DDX60: variants seen among roughly 807,000 people sequenced by gnomAD.
DDX60 encodes the protein probable ATP-dependent RNA helicase DDX60.
DDX60 carries 165 observed loss-of-function variants against 212.8 expected under a neutral mutation model. The observed-to-expected ratio is 0.78, with a 90% CI of 0.68 to 0.88. The LOEUF is 0.88. Among genes scored for constraint, DDX60 ranks in the 40% least tolerant of loss-of-function variants. DDX60 has a pLI of 0.00. For synonymous variants in DDX60, 703 were observed against 685.3 expected, an observed-to-expected ratio of 1.03 and a Z score of -0.40; for missense variants, 1,905 against 2,003.9, an observed-to-expected ratio of 0.95 and a Z score of 0.94.
intron 29 of DDX60, among the ~76,000 whole-genome samples, chr4:168,247,413 A>T (rs1224340941): frequency 6.6e-6 from 1 of 152,230 alleles, no homozygotes; most frequent in Non-Finnish European, 1.5e-5. Flanking sequence ...ACATGCTGGG[A>T]AATGATATAA....
At chr4:168,324,699 A>G in the DDX60 span, among the ~76,000 whole-genome samples, 1 of 152,232 alleles carries the variant, frequency 6.6e-6, no homozygotes, top group Non-Finnish European at 1.5e-5. Context: ...CAGGAATTTA[A>G]CCAAGGTGGC....
At chr4:168,297,208 C>G (rs1304120441) in intron 6 of DDX60, among the ~76,000 whole-genome samples, 1 of 149,028 alleles carries the variant, frequency 6.7e-6, no homozygotes, top group African/African-American at 2.5e-5. Flanking sequence ...CACGCCCAGC[C>G]AAAAAATGAT....
At position 168,293,857 on chromosome 4, in the gene DDX60, G is replaced by A. The variant is rs367592317; in HGVS notation, c.812C>T (p.Ser271Phe). The stretch of plus-strand genomic sequence containing the variant: ...TAAAAAGCGATGGTACATTCTCAAA[G>A]ATAATGAGCATGAAGTAACACAAAA... ...RVFCVTSCSL[S>F]LRMYHRFLGN... Residue 271 changes from serine to phenylalanine, a missense_variant, in exon 7 of 38, where the codon TCT becomes TTT. Coordinates refer to ENST00000393743, the MANE Select transcript of DDX60 (RefSeq NM_017631.6). 1.2e-6 allele frequency: 2 copies of A among 1,613,652 alleles called. No homozygotes were observed. Among genetic ancestry groups the A allele is most frequent in the African/African-American group, 2.7e-5 (2 of 74,914 alleles).
At chr4:168,221,030 C>G (rs1733033036) in intron 36 of DDX60, among the ~76,000 whole-genome samples, 1 of 152,122 alleles carries the variant, frequency 6.6e-6, no homozygotes, top group African/African-American at 2.4e-5. Context: ...AGGGAAGAAA[C>G]AGTTGTATCA....
intron 37 of DDX60, among the ~76,000 whole-genome samples, chr4:168,218,720 A>G (rs1475926069): frequency 1.3e-5 from 2 of 152,108 alleles, no homozygotes; most frequent in Non-Finnish European, 2.9e-5. Context: ...AAATGCCCAT[A>G]ATCTCCATGT....
chr4:168,270,875 C>CTTTTTTTTTTTTT (rs759054592), intron 19 of DDX60, among the ~76,000 whole-genome samples: 2 of 110,880 alleles, frequency 1.8e-5, no homozygotes, highest in Non-Finnish European at 3.6e-5. Context: ...TTCTTTCTTT[C>CTTTTTTTTTTTTT]TTTTTTTTTT....
chr4:168,253,134 C>T (rs1435492908), intron 26 of DDX60, among the ~76,000 whole-genome samples: 1 of 152,198 alleles, frequency 6.6e-6, no homozygotes. Context: ...CAGTCTTCCT[C>T]TAATGCCCTT....
chr4:168,233,961 A>C (rs907611650), intron 33 of DDX60, among the ~76,000 whole-genome samples: 2 of 152,136 alleles, frequency 1.3e-5, no homozygotes, highest in Non-Finnish European at 2.9e-5. Context: ...CTAGTTATGT[A>C]ACACCAAGAG....
intron 30 of DDX60, among the ~76,000 whole-genome samples, chr4:168,239,350 C>A (rs138034882): frequency 0.013 from 2,016 of 149,942 alleles, 40 homozygotes; most frequent in African/African-American, 0.047. Context: ...AGGTAGATAG[C>A]AGATAGCAGA....
chr4:168,244,685 A>C (rs1038387077), intron 30 of DDX60, among the ~76,000 whole-genome samples: 3 of 152,136 alleles, frequency 2.0e-5, no homozygotes, highest in Admixed American at 1.3e-4. Flanking sequence ...AGATCATGCC[A>C]CCGCACTCCA....
Position 168,225,631 on chromosome 4 carries a change from C to T in DDX60, c.4579G>A (p.Glu1527Lys). 6.2e-7 allele frequency: 1 copy of T among 1,611,514 alleles called. No homozygotes were observed. Among genetic ancestry groups the T allele is most frequent in the Non-Finnish European group, 8.5e-7 (1 of 1,178,798 alleles). The change falls in exon 34 of 38, where the codon GAA becomes AAA. Residue 1527 changes from glutamate to lysine, a missense_variant. By Grantham distance (56) the Glu-to-Lys change is moderately conservative (BLOSUM62 1). Transcript: ENST00000393743. Reference protein sequence around the residue: ...LPEDFSDALDEYNMKIMEDFT... With the variant: ...LPEDFSDALDKYNMKIMEDFT... ...TCCTCCATAATTTTCATGTTATATT[C>T]ATCTAAAGCATCACTAAAATCCTCA...
chr4:168,221,205 T>C (rs1389253060), intron 36 of DDX60, among the ~76,000 whole-genome samples: 1 of 152,140 alleles, frequency 6.6e-6, no homozygotes, highest in Non-Finnish European at 1.5e-5. Context: ...TGTGACAGAA[T>C]GCCCCTCCCC....
At position 168,267,675 on chromosome 4, in the gene DDX60, C is replaced by CCT; in HGVS notation, c.2944_2945dup (p.Tyr983GlyfsTer5). On this transcript the variant is annotated frameshift_variant, in exon 22 of 38. Coordinates refer to ENST00000393743, the MANE Select transcript of DDX60 (RefSeq NM_017631.6). LOFTEE classifies it high-confidence loss of function. ...ATACATGCTTCTCTAGATCATTATA[C>CCT]CTCTCTCCATAGAGCACTAAAAATG... The CCT allele has an allele frequency of 6.3e-7, 1 of 1,597,020 alleles. No individual in the cohort carries two copies. Among genetic ancestry groups the CCT allele is most frequent in the Non-Finnish European group, 8.5e-7 (1 of 1,172,254 alleles).
chr4:168,228,285 T>C (rs1733328429), intron 33 of DDX60, among the ~76,000 whole-genome samples: 1 of 152,138 alleles, frequency 6.6e-6, no homozygotes, highest in South Asian at 2.1e-4. Context: ...GATCAAAATG[T>C]CATTGTGTGG....
At chr4:168,297,309 A>T (rs1301049079) in intron 6 of DDX60, among the ~76,000 whole-genome samples, 1 of 23,640 alleles carries the variant, frequency 4.2e-5, no homozygotes, top group Middle Eastern at 0.014. Flanking sequence ...AAAGAAAGAA[A>T]GAAAGAAAGA....
At chr4:168,318,455 G>A (rs117730439) in intron 1 of DDX60, among the ~76,000 whole-genome samples, 167 bp downstream of exon 1, 3,151 of 152,318 alleles carry the variant, frequency 0.021, 272 homozygotes, top group Admixed American at 0.15. Flanking sequence ...GCCAGCAGGG[G>A]GCCCGTGCGC....
In DDX60 at chr4:168,297,382, G is replaced by GAGAGAAAGAA. The variant is rs1560870698; in HGVS notation, c.724-3438_724-3437insTTCTTTCTCT. 1.6e-3 allele frequency among the ~76,000 whole-genome samples: 63 copies of GAGAGAAAGAA among 39,916 alleles called. 4 individuals are homozygous for GAGAGAAAGAA. Among genetic ancestry groups the GAGAGAAAGAA allele is most frequent in the South Asian group, 9.7e-3 (12 of 1,234 alleles). The allele number at this position is 39,916 out of a possible 152,430, so 26.2% of individuals were successfully genotyped here. On this transcript the variant is annotated intron_variant, in intron 6 of 37. Transcript: ENST00000393743. ...AGAAAGAAAGAAAGAAAGAAAGAAA[G>GAGAGAAAGAA]AGAAAGAAAGAAAGAAAGAAAGACA... is the stretch of plus-strand genomic sequence containing the variant.
chr4:168,317,191 G>A (rs1413438007), intron 1 of DDX60, among the ~76,000 whole-genome samples: 1 of 151,328 alleles, frequency 6.6e-6, no homozygotes, highest in Non-Finnish European at 1.5e-5. Flanking sequence ...CAGGGATTAG[G>A]ACACATACAC....
At chr4:168,272,212 A>G in intron 18 of DDX60, 74 bp from the exon 19 acceptor site, 1 of 1,199,014 alleles carries the variant, frequency 8.3e-7, no homozygotes, top group South Asian at 1.3e-5. Context: ...AGGAATATGT[A>G]AGATAGACTT....
Sources: gnomAD v4.1 joint callset for allele counts (sites outside exome capture counted in the v4.1 genomes callset) on GRCh38, gnomAD v4.1.1 for gene constraint, MANE v1.5 for transcripts, NCBI Gene and HGNC (gene_info 2026-07-23, HGNC 2026-07-21) for gene names.